Variants in NARS2 observed in about 807,000 individuals in gnomAD.
The protein encoded by NARS2 is asparaginyl-tRNA synthetase 2, mitochondrial, also known as asparaginyl-tRNA synthetase.
NARS2 carries 60 observed loss-of-function variants against 62.9 expected under a neutral mutation model. The observed-to-expected ratio is 0.95, with a 90% CI of 0.77 to 1.18. The LOEUF is 1.18. Ranked by LOEUF, NARS2 falls within the 50% of genes most tolerant of loss-of-function variation. The pLI is 0.00. For missense variants in NARS2, 619 were observed against 576.4 expected, an observed-to-expected ratio of 1.07 and a Z score of -0.76; for synonymous variants, 196 against 200.0, an observed-to-expected ratio of 0.98 and a Z score of 0.17.
intron 6 of NARS2, among the ~76,000 whole-genome samples, chr11:78,498,026 A>G (rs1432666005): frequency 6.6e-6 from 1 of 152,170 alleles, no homozygotes; most frequent in Non-Finnish European, 1.5e-5. Context: ...CAATCCTGCT[A>G]AAGGGGGAGG....
intron 6 of NARS2, among the ~76,000 whole-genome samples, chr11:78,512,704 C>G (rs1007669074): frequency 6.6e-6 from 1 of 152,182 alleles, no homozygotes; most frequent in African/African-American, 2.4e-5. Context: ...ATCTTAGTAG[C>G]TACTTCATTC....
chr11:78,536,650 TAAA>T (rs1358433044), intron 5 of NARS2, among the ~76,000 whole-genome samples: 1 of 152,132 alleles, frequency 6.6e-6, no homozygotes, highest in Non-Finnish European at 1.5e-5. Context: ...AAAAATATTT[TAAA>T]AAATTAAGTT....
At chr11:78,503,530 G>A (rs1282903353) in intron 6 of NARS2, among the ~76,000 whole-genome samples, 1 of 152,202 alleles carries the variant, frequency 6.6e-6, no homozygotes, top group Admixed American at 6.5e-5. Context: ...AAGCCACCAT[G>A]CCCAGCCTGA....
rs751315158 is a variant in NARS2 at position 78,571,426 on chromosome 11, G to T, written c.160C>A (p.Arg54=). ...IKIQGWIRSV[R]SQKEVLFLHV... ...AGGAACAAGACTTCCTTCTGGGATC[G>T]GACAGAACGAATCCATCCCTAAGGA... The change falls in exon 2 of 14, where the codon CGA becomes AGA. Residue 54 remains arginine (R), a synonymous_variant. Transcript: ENST00000281038. 6.2e-7 allele frequency: 1 copy of T among 1,612,014 alleles called. No individual in the cohort carries two copies. Among genetic ancestry groups the T allele is most frequent in the Non-Finnish European group, 8.5e-7 (1 of 1,178,914 alleles).
At chr11:78,524,585 T>G (rs1861232782) in intron 6 of NARS2, among the ~76,000 whole-genome samples, 1 of 152,236 alleles carries the variant, frequency 6.6e-6, no homozygotes, top group South Asian at 2.1e-4. Flanking sequence ...ATTTCTTAAT[T>G]GCAGGTTTTA....
At chr11:78,441,065 A>G (rs1367654140) in intron 13 of NARS2, 26 bp downstream of exon 13, 4 of 1,608,596 alleles carry the variant, frequency 2.5e-6, no homozygotes, top group Non-Finnish European at 1.7e-6. Context: ...AGCTAGAGTA[A>G]GAATTATTAG....
chr11:78,543,192 A>C (rs1481499788), intron 5 of NARS2, among the ~76,000 whole-genome samples: 1 of 152,188 alleles, frequency 6.6e-6, no homozygotes, highest in South Asian at 2.1e-4. Context: ...AAAAAGAATA[A>C]GCCATTATAA....
intron 6 of NARS2, among the ~76,000 whole-genome samples, chr11:78,520,950 C>T (rs1249864840): frequency 6.6e-6 from 1 of 151,022 alleles, no homozygotes; most frequent in African/African-American, 2.4e-5. Flanking sequence ...CCCAGCTACT[C>T]GAGAGGCTGA....
At chr11:78,551,560 C>T (rs1468421042) in intron 5 of NARS2, among the ~76,000 whole-genome samples, 3 of 152,066 alleles carry the variant, frequency 2.0e-5, no homozygotes, top group Non-Finnish European at 2.9e-5. Flanking sequence ...TTTTAAAAAC[C>T]CTGCTCCAGG....
At chr11:78,464,080 T>C (rs1378171567) in intron 11 of NARS2, among the ~76,000 whole-genome samples, 1 of 152,146 alleles carries the variant, frequency 6.6e-6, no homozygotes, top group African/African-American at 2.4e-5. Context: ...CGGATGTGTT[T>C]GGAGTTTCTT....
chr11:78,439,348 C>CT (rs1857506309), intron 13 of NARS2, among the ~76,000 whole-genome samples: 1 of 151,616 alleles, frequency 6.6e-6, no homozygotes, highest in Non-Finnish European at 1.5e-5. Flanking sequence ...GTGGCTTTGG[C>CT]TTTTTTTTAA....
chr11:78,453,895 T>C (rs1858058633), intron 11 of NARS2, among the ~76,000 whole-genome samples: 1 of 152,232 alleles, frequency 6.6e-6, no homozygotes, highest in African/African-American at 2.4e-5. Context: ...TTACTACTGC[T>C]GCTGTCTGAA....
Position 78,465,859 on chromosome 11 carries a change from T to TTA in NARS2, c.1164+15_1164+16dup, listed in dbSNP as rs754338023. 6.2e-7 allele frequency: 1 copy of TTA among 1,613,852 alleles called. No individual in the cohort carries two copies. Among genetic ancestry groups the TTA allele is most frequent in the Non-Finnish European group, 8.5e-7 (1 of 1,179,848 alleles). On this transcript the variant is annotated intron_variant, in intron 11 of 13. Transcript: ENST00000281038. ...CCTAAGAGGACTAACCCCAATTTAT[T>TTA]TAGTATCTCTTCTTACCGTGTGCTG...
chr11:78,499,341 G>A (rs1590781159), intron 6 of NARS2, among the ~76,000 whole-genome samples: 1 of 151,928 alleles, frequency 6.6e-6, no homozygotes, highest in East Asian at 1.9e-4. Flanking sequence ...TCTCCTATGT[G>A]GCCCAGACTG....
At chr11:78,451,329 A>T (rs1857964548) in intron 11 of NARS2, among the ~76,000 whole-genome samples, 2 of 152,238 alleles carry the variant, frequency 1.3e-5, no homozygotes, top group African/African-American at 4.8e-5. Context: ...CCCCCTGATA[A>T]CAACTGGGCT....
intron 5 of NARS2, among the ~76,000 whole-genome samples, chr11:78,544,427 T>C (rs192641580): frequency 1.5e-3 from 235 of 152,304 alleles, no homozygotes; most frequent in African/African-American, 5.3e-3. Flanking sequence ...TTTAATATGC[T>C]CTGAATTTTC....
rs186101303 is a variant in NARS2 at position 78,543,939 on chromosome 11, G to A, written c.595-15003C>T. Among the ~76,000 whole-genome samples the A allele has an allele frequency of 2.4e-3, 334 of 140,080 alleles. 1 individual carries two copies. The highest frequency in any genetic ancestry group is 8.3e-3 in the African/African-American group (315 of 37,814). The allele number at this position is 140,080 out of a possible 152,430, so 91.9% of individuals were successfully genotyped here. A position where few individuals can be genotyped will look rare whatever the true frequency, so the allele number is the denominator to read the frequency against. ...CCAGCTACTCGGGAGGCTGAGGCAGGAGAATCGCTTGAACCCGGGAGGTGG... is the reference window on the plus strand; with the variant it reads ...CCAGCTACTCGGGAGGCTGAGGCAGAAGAATCGCTTGAACCCGGGAGGTGG... On this transcript the variant is annotated intron_variant, in intron 5 of 13. Transcript: ENST00000281038.
intron 5 of NARS2, among the ~76,000 whole-genome samples, chr11:78,539,633 T>C (rs953121613): frequency 1.3e-5 from 2 of 152,176 alleles, no homozygotes; most frequent in African/African-American, 4.8e-5. Flanking sequence ...AGTATGTAGA[T>C]GGTATGGTAC....
intron 11 of NARS2, among the ~76,000 whole-genome samples, chr11:78,452,128 G>A (rs988868889): frequency 1.3e-5 from 2 of 150,002 alleles, no homozygotes; most frequent in Non-Finnish European, 3.0e-5. Context: ...AAATTTTTTT[G>A]AGATGGAGTC....
Sources: allele counts gnomAD v4.1 joint callset (sites outside exome capture counted in the v4.1 genomes callset), GRCh38; gene constraint gnomAD v4.1.1; transcripts MANE v1.5; gene names NCBI Gene and HGNC (gene_info 2026-07-23, HGNC 2026-07-21).